LHFPL6: variants seen among roughly 807,000 people sequenced by gnomAD.
The protein encoded by LHFPL6 is LHFPL tetraspan subfamily member 6 protein.
A neutral mutation model predicts 20.6 loss-of-function variants in LHFPL6; 9 were observed. The ratio of observed to expected loss-of-function variants is 0.44; its 90% CI spans 0.26 to 0.76. The LOEUF (loss-of-function observed/expected upper bound fraction) is 0.76. LHFPL6 is among the 30% of genes least tolerant of loss of function. The pLI, the probability that LHFPL6 is intolerant of heterozygous loss-of-function variation, is 0.20. For missense variants in LHFPL6, 218 were observed against 253.5 expected (o/e 0.86, Z 0.95); for synonymous variants, 105 against 98.7 (o/e 1.06, Z -0.38).
chr13:39,531,167 GT>G (rs1352652986), intron 2 of LHFPL6, among the ~76,000 whole-genome samples: 7 of 152,158 alleles, frequency 4.6e-5, no homozygotes, highest in Admixed American at 1.3e-4. Context: ...TATGACAAAA[GT>G]TTTTTGGCAG....
intron 2 of LHFPL6, among the ~76,000 whole-genome samples, chr13:39,416,399 T>C (rs553081866): frequency 9.6e-4 from 146 of 151,750 alleles, no homozygotes; most frequent in African/African-American, 3.4e-3. Flanking sequence ...AACTCCATTA[T>C]ATTAGGCCAA....
rs575189421 is a variant in LHFPL6, at chr13:39,519,161, G to A, written c.385+81671C>T. 6.4e-4 allele frequency among the ~76,000 whole-genome samples: 98 copies of A among 152,202 alleles called. No homozygotes were observed. The South Asian group carries it at 8.3e-3, about 13-fold the overall frequency. On this transcript the variant is annotated intron_variant, in intron 2 of 3. Coordinates refer to ENST00000379589, the MANE Select transcript of LHFPL6 (RefSeq NM_005780.3). ...TGAGGCAGAAGAACTGCTTGAACTC[G>A]GGAAGTAGAGGCTGCAATGGGCCGA...
At chr13:39,420,880 C>G (rs1214041809) in intron 2 of LHFPL6, among the ~76,000 whole-genome samples, 1 of 152,142 alleles carries the variant, frequency 6.6e-6, no homozygotes, top group African/African-American at 2.4e-5. Flanking sequence ...CCTGAAGTTA[C>G]GTGTCCTGGA....
chr13:39,442,460 C>T (rs946434983), intron 2 of LHFPL6, among the ~76,000 whole-genome samples: 3 of 152,096 alleles, frequency 2.0e-5, no homozygotes. Flanking sequence ...TTTAAAATAT[C>T]ACTATAATCA....
At chr13:39,348,141 T>A (rs1380554240) in intron 3 of LHFPL6, among the ~76,000 whole-genome samples, 1 of 152,166 alleles carries the variant, frequency 6.6e-6, no homozygotes, top group East Asian at 1.9e-4. Context: ...GTCAATAAAA[T>A]AGCAGAAGTT....
chr13:39,504,049 C>G (rs942761048), intron 2 of LHFPL6, among the ~76,000 whole-genome samples: 2 of 152,102 alleles, frequency 1.3e-5, no homozygotes, highest in African/African-American at 4.8e-5. Context: ...CTTTTAATGG[C>G]AAAAATTGCT....
At chr13:39,587,492 G>A (rs1358374368) in intron 2 of LHFPL6, among the ~76,000 whole-genome samples, 1 of 152,028 alleles carries the variant, frequency 6.6e-6, no homozygotes, top group East Asian at 1.9e-4. Context: ...GACATTCCTA[G>A]ATTAAACATC....
intron 2 of LHFPL6, among the ~76,000 whole-genome samples, chr13:39,558,095 C>T (rs1228551890): frequency 6.6e-6 from 1 of 152,182 alleles, no homozygotes; most frequent in Non-Finnish European, 1.5e-5. Flanking sequence ...CAGCCTTAGG[C>T]ATTTCTTAAT....
At chr13:39,384,564 A>G (rs1452094782) in intron 2 of LHFPL6, among the ~76,000 whole-genome samples, 1 of 152,236 alleles carries the variant, frequency 6.6e-6, no homozygotes, top group African/African-American at 2.4e-5. Flanking sequence ...AGCACAGTTT[A>G]GAAATCCCTG....
At chr13:39,396,484 G>C (rs2138375259) in intron 2 of LHFPL6, among the ~76,000 whole-genome samples, 1 of 152,252 alleles carries the variant, frequency 6.6e-6, no homozygotes, top group South Asian at 2.1e-4. Flanking sequence ...CTACTCTGAT[G>C]TGACTGGTGT....
chr13:39,407,647 A>G (rs1338613491), intron 2 of LHFPL6, among the ~76,000 whole-genome samples: 2 of 152,234 alleles, frequency 1.3e-5, no homozygotes, highest in African/African-American at 4.8e-5. Context: ...AGTTAAATGT[A>G]ATGAACTATG....
intron 2 of LHFPL6, among the ~76,000 whole-genome samples, chr13:39,563,468 G>A (rs757220842): frequency 2.0e-5 from 3 of 152,180 alleles, no homozygotes; most frequent in Non-Finnish European, 2.9e-5. Flanking sequence ...GGGTTGATAA[G>A]TGACTTATAC....
chr13:39,455,636 C>T (rs1266008454), intron 2 of LHFPL6, among the ~76,000 whole-genome samples: 2 of 152,176 alleles, frequency 1.3e-5, no homozygotes, highest in Admixed American at 6.5e-5. Flanking sequence ...GGACAATAAC[C>T]TGATTTTATT....
intron 2 of LHFPL6, among the ~76,000 whole-genome samples, chr13:39,481,900 C>A (rs1462958960): frequency 6.6e-6 from 1 of 152,090 alleles, no homozygotes; most frequent in Non-Finnish European, 1.5e-5. Flanking sequence ...AAGTTGAGAG[C>A]TGGAGCAGTA....
chr13:39,514,789 A>G (rs902040402), intron 2 of LHFPL6, among the ~76,000 whole-genome samples: 2 of 152,244 alleles, frequency 1.3e-5, no homozygotes, highest in African/African-American at 4.8e-5. Context: ...AATATTCTCA[A>G]AGTGGAAGAA....
intron 2 of LHFPL6, among the ~76,000 whole-genome samples, chr13:39,461,969 TAA>T (rs35740984): frequency 1.3e-5 from 2 of 150,688 alleles, no homozygotes; most frequent in African/African-American, 4.9e-5. Flanking sequence ...GGATTCACTT[TAA>T]AAAAAAAATG....
At chr13:39,366,144 T>C (rs1235583880) in intron 3 of LHFPL6, among the ~76,000 whole-genome samples, 1 of 152,178 alleles carries the variant, frequency 6.6e-6, no homozygotes, top group Non-Finnish European at 1.5e-5. Context: ...GCCTATGACA[T>C]ATTGATTATT....
chr13:39,592,058 T>G (rs1872619582), intron 2 of LHFPL6, among the ~76,000 whole-genome samples: 1 of 150,970 alleles, frequency 6.6e-6, no homozygotes, highest in Non-Finnish European at 1.5e-5. Context: ...ATCACACCAT[T>G]GCACTCCAGC....
At chr13:39,448,395 G>C (rs986805631) in intron 2 of LHFPL6, among the ~76,000 whole-genome samples, 6 of 152,174 alleles carry the variant, frequency 3.9e-5, no homozygotes, top group African/African-American at 1.4e-4. Context: ...AAGTGGGGAA[G>C]TTTGCAAAAT....
Sources: allele counts gnomAD v4.1 joint callset (sites outside exome capture counted in the v4.1 genomes callset), GRCh38; gene constraint gnomAD v4.1.1; transcripts MANE v1.5; gene names NCBI Gene and HGNC (gene_info 2026-07-23, HGNC 2026-07-21).